The following SLC28A3 variants were observed in gnomAD, a reference collection of about 807,000 sequenced individuals.
SLC28A3 encodes the protein concentrative Na(+)-nucleoside cotransporter 3.
In SLC28A3, 68 loss-of-function variants were observed where a neutral mutation model predicts 84.2. That is an observed-to-expected ratio of 0.81 (90% confidence interval 0.66 to 0.99). SLC28A3 has a LOEUF of 0.99. SLC28A3 is among the 50% of genes least tolerant of loss of function. The pLI is 0.00. For missense variants in SLC28A3, 712 were observed against 841.5 expected, an observed-to-expected ratio of 0.85 and a Z score of 1.90; for synonymous variants, 267 against 303.6, an observed-to-expected ratio of 0.88 and a Z score of 1.25.
At chr9:84,296,379 C>CT (rs1353591203) in intron 8 of SLC28A3, among the ~76,000 whole-genome samples, 3 of 152,140 alleles carry the variant, frequency 2.0e-5, no homozygotes, top group Non-Finnish European at 1.5e-5. Flanking sequence ...TAGGCTGAAT[C>CT]TTTTTTCAGC....
the SLC28A3 span, among the ~76,000 whole-genome samples, chr9:84,357,014 A>G: frequency 6.6e-6 from 1 of 152,138 alleles, no homozygotes; most frequent in Non-Finnish European, 1.5e-5. Flanking sequence ...TCCATAGCAC[A>G]CATCCCCTTG....
chr9:84,359,519 A>T, the SLC28A3 span, among the ~76,000 whole-genome samples: 11 of 152,194 alleles, frequency 7.2e-5, no homozygotes, highest in Admixed American at 2.0e-4. Context: ...GAAAATATTG[A>T]GGCAATAAAA....
At chr9:84,307,430 C>CAAAAAAAA (rs773007559) in intron 3 of SLC28A3, among the ~76,000 whole-genome samples, 2 of 40,752 alleles carry the variant, frequency 4.9e-5, no homozygotes, top group Admixed American at 3.1e-4. Flanking sequence ...GACTCCATCT[C>CAAAAAAAA]AAAAAAAAAA....
intron 1 of SLC28A3, among the ~76,000 whole-genome samples, chr9:84,331,877 A>G (rs183359796): frequency 1.3e-5 from 2 of 152,282 alleles, no homozygotes; most frequent in African/African-American, 2.4e-5. Flanking sequence ...GTTTGGAAAA[A>G]TCTTTCAGTT....
At chr9:84,356,702 G>T in the SLC28A3 span, among the ~76,000 whole-genome samples, 1 of 152,138 alleles carries the variant, frequency 6.6e-6, no homozygotes, top group East Asian at 1.9e-4. Context: ...CTAGTGGCAT[G>T]TGCCTGTAAT....
At chr9:84,355,408 A>G in the SLC28A3 span, among the ~76,000 whole-genome samples, 1 of 152,150 alleles carries the variant, frequency 6.6e-6, no homozygotes, top group African/African-American at 2.4e-5. Context: ...ACTATAGTAC[A>G]GCCTGGGTGA....
chr9:84,317,857 T>C (rs1225345015), intron 1 of SLC28A3, among the ~76,000 whole-genome samples: 1 of 152,242 alleles, frequency 6.6e-6, no homozygotes. Flanking sequence ...TACAGTCGTG[T>C]TGTCCTCTGT....
At chr9:84,363,610 G>T in the SLC28A3 span, among the ~76,000 whole-genome samples, 6 of 152,180 alleles carry the variant, frequency 3.9e-5, no homozygotes, top group East Asian at 1.2e-3. Context: ...TGGGATTAGG[G>T]CATTTATCAG....
chr9:84,317,602 G>GC (rs1826218348), intron 1 of SLC28A3, among the ~76,000 whole-genome samples: 1 of 152,088 alleles, frequency 6.6e-6, no homozygotes, highest in African/African-American at 2.4e-5. Context: ...TTTTTCTGCT[G>GC]CAGAGGTACC....
At chr9:84,363,609 G>A in the SLC28A3 span, among the ~76,000 whole-genome samples, 457 of 152,096 alleles carry the variant, frequency 3.0e-3, 1 homozygote, top group Middle Eastern at 0.024. Flanking sequence ...ATGGGATTAG[G>A]GCATTTATCA....
At chr9:84,306,064 G>A (rs1825778329) in intron 3 of SLC28A3, among the ~76,000 whole-genome samples, 1 of 152,064 alleles carries the variant, frequency 6.6e-6, no homozygotes, top group Non-Finnish European at 1.5e-5. Context: ...GAGTGAGCTG[G>A]GAGGCCAGGG....
At chr9:84,316,088 C>A (rs7853538) in intron 1 of SLC28A3, among the ~76,000 whole-genome samples, 3 of 129,752 alleles carry the variant, frequency 2.3e-5, no homozygotes, top group Non-Finnish European at 4.4e-5. Context: ...AGCCTAGTAA[C>A]CAGGAGTACA....
At chr9:84,339,719 AG>A (rs1827094626) in intron 1 of SLC28A3, among the ~76,000 whole-genome samples, 2 of 152,238 alleles carry the variant, frequency 1.3e-5, no homozygotes, top group African/African-American at 4.8e-5. Flanking sequence ...CTACTCATGG[AG>A]ATGGGCATCA....
chr9:84,366,717 C>T, the SLC28A3 span, among the ~76,000 whole-genome samples: 4 of 152,318 alleles, frequency 2.6e-5, no homozygotes, highest in African/African-American at 9.6e-5. Context: ...TTGTTCTCTT[C>T]CCTTACTTTC....
chr9:84,361,911 A>AAAATAAAT, the SLC28A3 span, among the ~76,000 whole-genome samples: 12 of 151,016 alleles, frequency 7.9e-5, no homozygotes, highest in South Asian at 2.1e-4. Context: ...TCTGTCTCTA[A>AAAATAAAT]AAATAAATAA....
At chr9:84,283,259 T>C (rs191139331) in intron 14 of SLC28A3, among the ~76,000 whole-genome samples, 4 of 152,360 alleles carry the variant, frequency 2.6e-5, no homozygotes, top group Non-Finnish European at 5.9e-5. Context: ...AGATGCACCG[T>C]ACTAGAAAAA....
chr9:84,309,080 C>G (rs1364325224), intron 3 of SLC28A3, among the ~76,000 whole-genome samples: 1 of 152,158 alleles, frequency 6.6e-6, no homozygotes. Flanking sequence ...GAATTTAAAT[C>G]TGCATATTGG....
chr9:84,352,883 A>T, the SLC28A3 span, among the ~76,000 whole-genome samples: 1 of 110,520 alleles, frequency 9.0e-6, no homozygotes, highest in Non-Finnish European at 1.7e-5. Context: ...ACAGAGTGAG[A>T]TTCTGTCTCA....
the SLC28A3 span, among the ~76,000 whole-genome samples, chr9:84,350,248 C>A: frequency 1.3e-5 from 2 of 152,118 alleles, no homozygotes; most frequent in Non-Finnish European, 2.9e-5. Flanking sequence ...TCAAGACCAG[C>A]CTGACTAATG....
Sources: allele counts gnomAD v4.1 joint callset (sites outside exome capture counted in the v4.1 genomes callset), GRCh38; gene constraint gnomAD v4.1.1; transcripts MANE v1.5; gene names NCBI Gene and HGNC (gene_info 2026-07-23, HGNC 2026-07-21).